The following EPB41L5 variants were observed in gnomAD, a reference collection of about 807,000 sequenced individuals.
EPB41L5 encodes band 4.1-like protein 5.
Under a neutral mutation model 106.6 loss-of-function variants are expected in EPB41L5, and 55 were observed. The ratio of observed to expected loss-of-function variants is 0.52; its 90% confidence interval spans 0.42 to 0.65. EPB41L5 has a LOEUF of 0.65. Ranked by LOEUF, EPB41L5 falls within the 30% of genes least tolerant of loss-of-function variation. The probability of loss-of-function intolerance (pLI) is 0.00; values close to 1 mark genes in which losing one functional copy is unlikely to be tolerated. For missense variants in EPB41L5, 871 were observed against 882.1 expected, an observed-to-expected ratio of 0.99 and a Z score of 0.16; for synonymous variants, 297 against 306.7, an observed-to-expected ratio of 0.97 and a Z score of 0.33.
chr2:120,044,821 T>C (rs1227988767), intron 3 of EPB41L5, among the ~76,000 whole-genome samples: 5 of 152,202 alleles, frequency 3.3e-5, no homozygotes, highest in African/African-American at 1.2e-4. Context: ...AATCTAGGCA[T>C]TAAAATTCAA....
intron 18 of EPB41L5, among the ~76,000 whole-genome samples, chr2:120,134,538 G>T (rs988376865): frequency 3.2e-4 from 49 of 152,322 alleles, no homozygotes; most frequent in African/African-American, 1.2e-3. Flanking sequence ...CACAGTGTCA[G>T]TGGGTAGCCA....
At chr2:120,163,980 C>CTTTTTTTTTTTGTTTTTTTTTTTTTT (rs1687269897) in intron 21 of EPB41L5, among the ~76,000 whole-genome samples, 1 of 68,140 alleles carries the variant, frequency 1.5e-5, no homozygotes, top group African/African-American at 5.4e-5. Context: ...TTTGTATTTA[C>CTTTTTTTTTTTGTTTTTTTTTTTTTT]TTTTTTTTTT....
At chr2:120,064,034 A>G (rs1283125984) in intron 3 of EPB41L5, among the ~76,000 whole-genome samples, 3 of 152,158 alleles carry the variant, frequency 2.0e-5, no homozygotes, top group Non-Finnish European at 2.9e-5. Flanking sequence ...ATGGTGATAC[A>G]AGTCTTCATT....
At chr2:120,093,322 T>C (rs542424961) in intron 14 of EPB41L5, 46 bp downstream of exon 14, 2 of 1,507,960 alleles carry the variant, frequency 1.3e-6, no homozygotes, top group African/African-American at 2.7e-5. Context: ...AATTTGGGAT[T>C]TATGTAGTTG....
chr2:120,148,075 A>G (rs1261495665), intron 20 of EPB41L5, among the ~76,000 whole-genome samples: 1 of 152,200 alleles, frequency 6.6e-6, no homozygotes, highest in African/African-American at 2.4e-5. Flanking sequence ...TATACTGTAT[A>G]TAGTATACCT....
intron 3 of EPB41L5, among the ~76,000 whole-genome samples, chr2:120,049,388 G>A (rs928114141): frequency 2.0e-5 from 3 of 152,306 alleles, no homozygotes; most frequent in South Asian, 2.1e-4. Context: ...AGCTCTTCTT[G>A]TTGAATTGAT....
At chr2:120,077,392 T>C in intron 9 of EPB41L5, 76 bp downstream of exon 9, 1 of 1,271,114 alleles carries the variant, frequency 7.9e-7, no homozygotes, top group South Asian at 1.3e-5. Flanking sequence ...TTTTTCAGTA[T>C]GAGGGAGGGC....
chr2:120,096,426 ATTTTGTGCCT>A (rs1683760415), intron 14 of EPB41L5, among the ~76,000 whole-genome samples: 1 of 152,182 alleles, frequency 6.6e-6, no homozygotes, highest in Admixed American at 6.5e-5. Context: ...AAAAAACAAC[ATTTTGTGCCT>A]TTTCTGTGCT....
chr2:120,124,831 T>C (rs1400655539), intron 16 of EPB41L5, among the ~76,000 whole-genome samples: 1 of 152,244 alleles, frequency 6.6e-6, no homozygotes, highest in Non-Finnish European at 1.5e-5. Flanking sequence ...AGTTCTTTTG[T>C]AGAATGTCTC....
intron 11 of EPB41L5, among the ~76,000 whole-genome samples, chr2:120,087,899 G>C (rs1163990017): frequency 1.3e-5 from 2 of 152,270 alleles, no homozygotes; most frequent in East Asian, 3.9e-4. Context: ...ATTGATACAT[G>C]CTTGGATGCA....
intron 24 of EPB41L5, among the ~76,000 whole-genome samples, chr2:120,172,232 T>G (rs1687710306): frequency 6.6e-6 from 1 of 152,050 alleles, no homozygotes; most frequent in Non-Finnish European, 1.5e-5. Flanking sequence ...AGGAGGAAAT[T>G]GTCAAAGAAA....
rs73952058 is a variant in EPB41L5 at position 120,172,200 on chromosome 2, T to G, written c.2136-2641T>G. Among the ~76,000 whole-genome samples the G allele has an allele frequency of 7.6e-3, 1,159 of 152,254 alleles. 12 individuals are homozygous for G. Among genetic ancestry groups the G allele is most frequent in the African/African-American group, 0.026 (1,099 of 41,548 alleles). On this transcript the variant is annotated intron_variant, in intron 24 of 24. Coordinates refer to ENST00000263713, the MANE Select transcript of EPB41L5 (RefSeq NM_020909.4). ...TCCTATATATGAATCATAGGAGATC[T>G]AGAAAGATTACAGTCAATGGAAGGA...
chr2:120,029,449 A>G (rs747317427), intron 2 of EPB41L5, among the ~76,000 whole-genome samples: 2 of 151,976 alleles, frequency 1.3e-5, no homozygotes, highest in African/African-American at 2.4e-5. Context: ...ACCTGCCTCA[A>G]CCTCCCAAAG....
chr2:120,068,309 C>T (rs991249199), intron 3 of EPB41L5, among the ~76,000 whole-genome samples: 9 of 152,212 alleles, frequency 5.9e-5, no homozygotes, highest in Non-Finnish European at 1.0e-4. Flanking sequence ...CCCTCGGGTG[C>T]CTACGCCACA....
chr2:120,051,548 G>A (rs375624970), intron 3 of EPB41L5, among the ~76,000 whole-genome samples: 34 of 152,240 alleles, frequency 2.2e-4, no homozygotes, highest in African/African-American at 7.5e-4. Context: ...TCCAGGTGCC[G>A]CCTGTATTAG....
At chr2:120,105,558 T>G (rs896391401) in intron 16 of EPB41L5, 1 of 985,118 alleles carries the variant, frequency 1.0e-6, no homozygotes, top group African/African-American at 1.7e-5. Flanking sequence ...CAGAACTGAC[T>G]AATATTTAAA....
chr2:120,030,175 GTAA>G (rs1678607933), intron 2 of EPB41L5, among the ~76,000 whole-genome samples: 1 of 152,140 alleles, frequency 6.6e-6, no homozygotes, highest in African/African-American at 2.4e-5. Flanking sequence ...AACAAGATTG[GTAA>G]TAACCATTTC....
chr2:120,020,215 A>G (rs1234924624), intron 2 of EPB41L5, among the ~76,000 whole-genome samples: 1 of 152,180 alleles, frequency 6.6e-6, no homozygotes, highest in African/African-American at 2.4e-5. Context: ...CATCTACCCA[A>G]AATTCAATTT....
rs910865194 is a variant in EPB41L5 at position 120,175,468 on chromosome 2, TAG to T, written c.*566_*567del. 5.9e-5 allele frequency: 9 copies of T among 152,374 alleles called. No individual in the cohort carries two copies. The highest frequency in any genetic ancestry group is 1.7e-4 in the African/African-American group (7 of 41,304). 9.4% of individuals were successfully genotyped at this position (152,374 alleles called of 1,614,324 possible). On this transcript the variant is annotated 3_prime_UTR_variant, in exon 25 of 25. Transcript: ENST00000263713. ...CAACACTAAAGAGAAGTTTAGAATA[TAG>T]AGAGTTTTTAAATGTCTCCCATTCT...
Sources: allele counts gnomAD v4.1 joint callset (sites outside exome capture counted in the v4.1 genomes callset), GRCh38; gene constraint gnomAD v4.1.1; transcripts MANE v1.5; gene names NCBI Gene and HGNC (gene_info 2026-07-23, HGNC 2026-07-21).